Variants in FIG4 observed in about 807,000 individuals in gnomAD.
FIG4 encodes the protein polyphosphoinositide phosphatase.
A neutral mutation model predicts 118.6 loss-of-function variants in FIG4; 112 were observed. The ratio of observed to expected loss-of-function variants is 0.94; its 90% CI spans 0.81 to 1.11. The LOEUF (loss-of-function observed/expected upper bound fraction) is 1.11, where lower values mean the gene tolerates loss of function less well. Ranked by LOEUF, FIG4 falls within the 50% of genes least tolerant of loss-of-function variation. The pLI, the probability that FIG4 is intolerant of heterozygous loss-of-function variation, is 0.00. For missense variants in FIG4, 969 were observed against 1,111.7 expected, an observed-to-expected ratio of 0.87 and a Z score of 1.83; for synonymous variants, 369 against 381.2, an observed-to-expected ratio of 0.97 and a Z score of 0.37.
At chr6:109,778,232 G>T (rs1425843385) in intron 16 of FIG4, among the ~76,000 whole-genome samples, 1 of 151,838 alleles carries the variant, frequency 6.6e-6, no homozygotes, top group Admixed American at 6.6e-5. Flanking sequence ...AGGCCAAGGC[G>T]GGAGGATTAC....
chr6:109,694,006 CAAA>C (rs368778920), intron 1 of FIG4, among the ~76,000 whole-genome samples: 1 of 146,462 alleles, frequency 6.8e-6, no homozygotes, highest in South Asian at 2.2e-4. Flanking sequence ...ATTAAAAAAA[CAAA>C]AACTGTAGTA....
chr6:109,750,598 G>A (rs750444345), intron 10 of FIG4, among the ~76,000 whole-genome samples: 14 of 152,158 alleles, frequency 9.2e-5, no homozygotes, highest in East Asian at 3.9e-4. Context: ...GCACCATTGC[G>A]TTCCAGCCTG....
At chr6:109,760,933 T>TCTCTTTTG (rs1777086015) in intron 11 of FIG4, among the ~76,000 whole-genome samples, 1 of 152,166 alleles carries the variant, frequency 6.6e-6, no homozygotes, top group Admixed American at 6.5e-5. Flanking sequence ...CTTTCCCACC[T>TCTCTTTTG]CTCTTTTGTC....
chr6:109,696,831 T>TA (rs1774736610), intron 1 of FIG4, among the ~76,000 whole-genome samples: 1 of 152,130 alleles, frequency 6.6e-6, no homozygotes, highest in Non-Finnish European at 1.5e-5. Context: ...TATAGCACTG[T>TA]AGGCTGACTA....
intron 10 of FIG4, among the ~76,000 whole-genome samples, chr6:109,750,503 G>A (rs1191866849): frequency 6.6e-6 from 1 of 151,928 alleles, no homozygotes; most frequent in East Asian, 1.9e-4. Context: ...TGAGCATGAT[G>A]CACACCTGTA....
chr6:109,736,968 C>G (rs1228967340), intron 6 of FIG4, among the ~76,000 whole-genome samples: 3 of 152,112 alleles, frequency 2.0e-5, no homozygotes, highest in Admixed American at 6.6e-5. Context: ...CATTACCTGA[C>G]ACTCATACTC....
At chr6:109,771,209 C>T (rs1196281489) in intron 15 of FIG4, among the ~76,000 whole-genome samples, 1 of 152,190 alleles carries the variant, frequency 6.6e-6, no homozygotes, top group Admixed American at 6.5e-5. Context: ...TTCACCTCTT[C>T]TGCAACCAAA....
chr6:109,791,429 C>G lies in FIG4; in HGVS notation c.2234C>G (p.Ala745Gly), dbSNP rs1778132161. 1 of 1,613,542 alleles carries G rather than the reference C, an allele frequency of 6.2e-7. No individual in the cohort carries two copies. Among genetic ancestry groups the G allele is most frequent in the African/African-American group, 1.3e-5 (1 of 74,946 alleles). ...TTACAGCGGAAAACGGCAGCCAGCG[C>G]CCCGCCGCCCCCCAGCGAGGAGGCT... ...AVLQRKTAAS[A>G]PPPPSEEAVS... The change falls in exon 20 of 23, where the codon GCC becomes GGC. Residue 745 changes from alanine (A) to glycine (G), a missense_variant. Coordinates refer to ENST00000230124, the MANE Select transcript of FIG4 (RefSeq NM_014845.6).
chr6:109,718,674 G>T (rs1775510692), intron 3 of FIG4, among the ~76,000 whole-genome samples: 1 of 152,090 alleles, frequency 6.6e-6, no homozygotes, highest in African/African-American at 2.4e-5. Flanking sequence ...TTAGTCTTGA[G>T]AAGGCCCTTG....
intron 3 of FIG4, among the ~76,000 whole-genome samples, chr6:109,725,598 C>T (rs1212914281): frequency 6.6e-6 from 1 of 152,106 alleles, no homozygotes; most frequent in African/African-American, 2.4e-5. Context: ...AGCATGATTT[C>T]TAATCCTTTG....
chr6:109,760,383 G>A lies in FIG4; in HGVS notation c.1271G>A (p.Ser424Asn), dbSNP rs775555946. 6.2e-7 allele frequency: 1 copy of A among 1,612,304 alleles called. No individual in the cohort carries two copies. Among genetic ancestry groups the A allele is most frequent in the Non-Finnish European group, 8.5e-7 (1 of 1,178,594 alleles). ...TGGGACATGGCCAAGTATACCAAAA[G>A]GTGAATGATACTCATCTGTCTGGCT... is the stretch of plus-strand genomic sequence containing the variant. ...IPWDMAKYTK[S>N]KLCNVLDRLN... The change falls in exon 11 of 23, where the codon AGC becomes AAC. Residue 424 changes from serine to asparagine, a missense_variant and splice_region_variant. Ser to Asn is a conservative substitution (Grantham distance 46, BLOSUM62 1). Coordinates refer to ENST00000230124, the MANE Select transcript of FIG4 (RefSeq NM_014845.6).
intron 22 of FIG4, among the ~76,000 whole-genome samples, chr6:109,816,706 G>A (rs1234247156): frequency 1.3e-5 from 2 of 152,014 alleles, no homozygotes; most frequent in South Asian, 2.1e-4. Context: ...TCCTCTGCAC[G>A]ATAATTCTGT....
chr6:109,799,959 C>T (rs1197999431), intron 22 of FIG4, among the ~76,000 whole-genome samples: 1 of 152,194 alleles, frequency 6.6e-6, no homozygotes, highest in East Asian at 1.9e-4. Context: ...GGGCATCAGC[C>T]AACATTGACC....
intron 3 of FIG4, among the ~76,000 whole-genome samples, chr6:109,720,814 A>T (rs1278927625): frequency 1.3e-5 from 2 of 152,196 alleles, no homozygotes; most frequent in Non-Finnish European, 2.9e-5. Flanking sequence ...TTTCCTTGCT[A>T]TAAACGGATT....
intron 1 of FIG4, among the ~76,000 whole-genome samples, chr6:109,695,589 C>G (rs1019368626): frequency 6.7e-6 from 1 of 149,738 alleles, no homozygotes; most frequent in Admixed American, 6.6e-5. Context: ...TACACACACA[C>G]ACACACACAC....
In FIG4 at chr6:109,791,543, A is replaced by G; in HGVS notation, c.2348A>G (p.Asp783Gly). 6.2e-7 allele frequency: 1 copy of G among 1,614,008 alleles called. No homozygotes were observed. The highest frequency in any genetic ancestry group is 8.5e-7 in the Non-Finnish European group (1 of 1,180,020). The stretch of plus-strand genomic sequence containing the variant: ...CGCTCCACTCCCGTGAAGATGACTG[A>G]TGCAGGAGACAGTGCCAAAGTGACC... The part of the protein sequence containing the change: ...SQRSTPVKMT[D>G]AGDSAKVTEN... The change falls in exon 20 of 23, where the codon GAT (aspartate) becomes GGT (glycine). Residue 783 changes from aspartate to glycine, a missense_variant. Coordinates refer to ENST00000230124, the MANE Select transcript of FIG4 (RefSeq NM_014845.6).
chr6:109,759,112 G>T (rs898129369), intron 10 of FIG4, among the ~76,000 whole-genome samples: 1 of 152,178 alleles, frequency 6.6e-6, no homozygotes, highest in Admixed American at 6.5e-5. Context: ...ATACTCAAAG[G>T]ATTATAAATC....
chr6:109,725,737 T>G (rs547846246), intron 3 of FIG4, among the ~76,000 whole-genome samples: 13 of 152,334 alleles, frequency 8.5e-5, no homozygotes, highest in African/African-American at 3.1e-4. Context: ...TTTTCCTGTT[T>G]CTCCACATCC....
chr6:109,764,766 G>A (rs991037609), intron 13 of FIG4, among the ~76,000 whole-genome samples: 1 of 152,152 alleles, frequency 6.6e-6, no homozygotes. Context: ...TTCAAATATA[G>A]ACCAGAAGAT....
Sources: gnomAD v4.1 joint callset for allele counts (sites outside exome capture counted in the v4.1 genomes callset) on GRCh38, gnomAD v4.1.1 for gene constraint, MANE v1.5 for transcripts, NCBI Gene and HGNC (gene_info 2026-07-23, HGNC 2026-07-21) for gene names.